The following PCDHGA11 variants were observed in gnomAD, a reference collection of about 807,000 sequenced individuals.
PCDHGA11 encodes the protein protocadherin gamma-A11.
A neutral mutation model predicts 60.4 loss-of-function variants in PCDHGA11; 39 were observed. The observed-to-expected ratio is 0.65, with a 90% CI of 0.50 to 0.84. The LOEUF is 0.84. Ranked by LOEUF, PCDHGA11 falls within the 40% of genes least tolerant of loss-of-function variation. The pLI is 0.00. For synonymous variants in PCDHGA11, 533 were observed against 510.3 expected, an observed-to-expected ratio of 1.04 and a Z score of -0.60; for missense variants, 1,165 against 1,197.7, an observed-to-expected ratio of 0.97 and a Z score of 0.40.
intron 1 of PCDHGA11, among the ~76,000 whole-genome samples, chr5:141,482,442 C>T (rs942933015): frequency 1.4e-5 from 2 of 147,678 alleles, no homozygotes; most frequent in Non-Finnish European, 3.0e-5. Flanking sequence ...CTGATATTCA[C>T]CATTTATTAG....
At chr5:141,483,240 T>C (rs2099578643) in intron 1 of PCDHGA11, among the ~76,000 whole-genome samples, 2 of 151,742 alleles carry the variant, frequency 1.3e-5, no homozygotes, top group Non-Finnish European at 1.5e-5. Flanking sequence ...TGAACTGATA[T>C]GCATATATCA....
chr5:141,469,419 A>G (rs1047562022), intron 1 of PCDHGA11, among the ~76,000 whole-genome samples: 2 of 152,066 alleles, frequency 1.3e-5, no homozygotes, highest in South Asian at 2.1e-4. Flanking sequence ...TACTAAAAAT[A>G]TAAAACTTAG....
Position 141,423,562 on chromosome 5 carries a change from A to C in PCDHGA11, c.2335A>C (p.Thr779Pro), listed in dbSNP as rs374427537. ...TTTCCCCCAGCCCAACTATGGGGAC[A>C]CGCTCATCAGCCAGGAGAGCTGTGA... Reference protein sequence around the residue: ...LIFPQPNYGDTLISQESCEKS... With the variant: ...LIFPQPNYGDPLISQESCEKS... Residue 779 changes from threonine to proline, a missense_variant, in exon 1 of 4, where the codon ACG (threonine) becomes CCG (proline). Thr to Pro is a conservative substitution (Grantham distance 38). Coordinates refer to ENST00000398587, the MANE Select transcript of PCDHGA11 (RefSeq NM_018914.3). The C allele has an allele frequency of 6.2e-7, 1 of 1,613,612 alleles. No individual in the cohort carries two copies. Among genetic ancestry groups the C allele is most frequent in the African/African-American group, 1.3e-5 (1 of 75,040 alleles).
Position 141,476,676 on chromosome 5 carries a change from G to T in PCDHGA11, c.2434-18131G>T. 1.2e-6 allele frequency: 2 copies of T among 1,614,222 alleles called. No individual in the cohort carries two copies. The highest frequency in any genetic ancestry group is 1.7e-6 in the Non-Finnish European group (2 of 1,180,054). ...TACTTTGCGCTTCGCGTGCAGACGC[G>T]GGAGGACAGCACCAAGTACGCGGAG... On this transcript the variant is annotated intron_variant, in intron 1 of 3. Transcript: ENST00000398587. The surrounding 1 kb of genome is among the most constrained non-coding windows in gnomAD (Gnocchi z 7.6).
intron 1 of PCDHGA11, among the ~76,000 whole-genome samples, chr5:141,465,785 T>G (rs564238782): frequency 6.6e-6 from 1 of 152,262 alleles, no homozygotes; most frequent in South Asian, 2.1e-4. Flanking sequence ...TACAGTTTTT[T>G]TTTTTTTAAG....
chr5:141,500,005 G>A (rs994274763), intron 2 of PCDHGA11, among the ~76,000 whole-genome samples: 30 of 151,476 alleles, frequency 2.0e-4, no homozygotes, highest in Non-Finnish European at 3.8e-4. Context: ...TCTTTCATAA[G>A]GTCCACATTT....
At chr5:141,480,591 T>G (rs557048485) in intron 1 of PCDHGA11, among the ~76,000 whole-genome samples, 1 of 138,080 alleles carries the variant, frequency 7.2e-6, no homozygotes, top group South Asian at 2.2e-4. Flanking sequence ...GCCGCTCTTC[T>G]GGTCAGCCTG....
rs115982940 is a variant in PCDHGA11, at chr5:141,457,996, G to A, written c.2433+34336G>A. On this transcript the variant is annotated intron_variant, in intron 1 of 3. Transcript: ENST00000398587. ...AACACACCCTTTCAGTTAAAGCCTTGGCAAAATAACCGGTTTTTCCAATTG... is the reference window on the plus strand; with the variant it reads ...AACACACCCTTTCAGTTAAAGCCTTAGCAAAATAACCGGTTTTTCCAATTG... Among the ~76,000 whole-genome samples the A allele has an allele frequency of 2.4e-3, 372 of 152,212 alleles. 2 individuals carry two copies. Among genetic ancestry groups the A allele is most frequent in the African/African-American group, 8.4e-3 (347 of 41,522 alleles).
intron 1 of PCDHGA11, among the ~76,000 whole-genome samples, chr5:141,488,738 A>G (rs1462948813): frequency 1.3e-5 from 2 of 152,222 alleles, no homozygotes; most frequent in Non-Finnish European, 2.9e-5. Context: ...TTCTGAAGTC[A>G]TGCAGGAAGT....
At chr5:141,468,822 A>C (rs867400152) in intron 1 of PCDHGA11, among the ~76,000 whole-genome samples, 4 of 151,874 alleles carry the variant, frequency 2.6e-5, no homozygotes, top group Middle Eastern at 3.4e-3. Context: ...GCCAAGATCA[A>C]GCCACTGCAC....
At chr5:141,438,571 T>TATAC (rs1212381177) in intron 1 of PCDHGA11, among the ~76,000 whole-genome samples, 15 of 94,542 alleles carry the variant, frequency 1.6e-4, no homozygotes, top group South Asian at 1.0e-3. Flanking sequence ...AGCTGTCTGA[T>TATAC]ATACATACAT....
chr5:141,487,391 A>C lies in PCDHGA11; in HGVS notation c.2434-7416A>C. 1 of 1,614,090 alleles carries C rather than the reference A, an allele frequency of 6.2e-7. No homozygotes were observed. The highest frequency in any genetic ancestry group is 1.1e-5 in the South Asian group (1 of 91,078). ...TGCCTGTCTCACCAGATCTCGAAGG[A>C]GGGAGGGGCTTCCCCCTTCCAATGG... On this transcript the variant is annotated intron_variant, in intron 1 of 3. Transcript: ENST00000398587. The surrounding 1 kb of genome is among the most constrained non-coding windows in gnomAD (Gnocchi z 5.0).
intron 3 of PCDHGA11, among the ~76,000 whole-genome samples, chr5:141,505,729 G>A (rs1026403192): frequency 7.9e-5 from 12 of 152,286 alleles, no homozygotes; most frequent in African/African-American, 2.9e-4. Flanking sequence ...AGGGAATAGT[G>A]GTTACAAGTC....
At position 141,491,448 on chromosome 5, in the gene PCDHGA11, A is replaced by G; in HGVS notation, c.2434-3359A>G. ...GGCAGTGCTGCAGGCGCCAGGACTC[A>G]CCCTCCCCGGACTTCTATAAGCAGT... On this transcript the variant is annotated intron_variant, in intron 1 of 3. Coordinates refer to ENST00000398587, the MANE Select transcript of PCDHGA11 (RefSeq NM_018914.3). The surrounding 1 kb of genome is among the most constrained non-coding windows in gnomAD (Gnocchi z 6.9). The G allele has an allele frequency of 6.2e-7, 1 of 1,613,792 alleles. No homozygotes were observed. The highest frequency in any genetic ancestry group is 8.5e-7 in the Non-Finnish European group (1 of 1,179,986).
At chr5:141,500,360 T>C (rs1224064939) in intron 2 of PCDHGA11, among the ~76,000 whole-genome samples, 1 of 151,664 alleles carries the variant, frequency 6.6e-6, no homozygotes, top group Non-Finnish European at 1.5e-5. Context: ...AGGCGCCCAC[T>C]ACCACGCCCG....
At chr5:141,455,160 G>T (rs6875366) in intron 1 of PCDHGA11, among the ~76,000 whole-genome samples, 16,301 of 149,190 alleles carry the variant, frequency 0.11, 1,328 homozygotes, top group African/African-American at 0.23. Context: ...TAGTTTGTTG[G>T]TTTTTTTTTT....
At chr5:141,460,335 T>C (rs1201595717) in intron 1 of PCDHGA11, among the ~76,000 whole-genome samples, 3 of 152,194 alleles carry the variant, frequency 2.0e-5, no homozygotes, top group Non-Finnish European at 4.4e-5. Flanking sequence ...CTTATGATGA[T>C]TTTCTCCTAT....
intron 1 of PCDHGA11, among the ~76,000 whole-genome samples, chr5:141,456,381 G>T (rs1296419395): frequency 6.6e-6 from 1 of 152,110 alleles, no homozygotes; most frequent in Admixed American, 6.6e-5. Context: ...TTACAGCACC[G>T]TTTGGAGTTT....
chr5:141,427,907 C>T, intron 1 of PCDHGA11: 1 of 1,575,688 alleles, frequency 6.3e-7, no homozygotes, highest in Non-Finnish European at 8.7e-7. Flanking sequence ...CCGCGCTCAG[C>T]GCCAACATGA....
Sources: gnomAD v4.1 joint callset for allele counts (sites outside exome capture counted in the v4.1 genomes callset) on GRCh38, gnomAD v4.1.1 for gene constraint, Gnocchi (gnomAD v3.1) non-coding constraint, MANE v1.5 for transcripts, NCBI Gene and HGNC (gene_info 2026-07-23, HGNC 2026-07-21) for gene names.